Variants in HS2ST1 observed in about 807,000 individuals in gnomAD.
HS2ST1 encodes 2-O-sulfotransferase.
Under a neutral mutation model 42.9 loss-of-function variants are expected in HS2ST1, and 18 were observed. The ratio of observed to expected loss-of-function variants is 0.42; its 90% confidence interval spans 0.29 to 0.62. The LOEUF (loss-of-function observed/expected upper bound fraction) is 0.62. Ranked by LOEUF, HS2ST1 falls within the 20% of genes least tolerant of loss-of-function variation. The pLI, the probability that HS2ST1 is intolerant of heterozygous loss-of-function variation, is 0.21. For missense variants in HS2ST1, 334 were observed against 433.8 expected, an observed-to-expected ratio of 0.77 and a Z score of 2.04; for synonymous variants, 146 against 152.9, an observed-to-expected ratio of 0.95 and a Z score of 0.33.
At position 87,017,253 on chromosome 1, in the gene HS2ST1, C is replaced by CA. The variant is rs1649786698; in HGVS notation, c.125-55679dup. Among the ~76,000 whole-genome samples the CA allele has an allele frequency of 2.0e-5, 3 of 152,280 alleles. No homozygotes were observed. In the South Asian group the frequency reaches 6.2e-4, roughly 32 times the overall value. On this transcript the variant is annotated intron_variant, in intron 1 of 6. Coordinates refer to ENST00000370550, the MANE Select transcript of HS2ST1 (RefSeq NM_012262.4). Reference sequence around the variant, plus strand: ...CCAGGTTCAAGCGATTCTCCTGTCTCAACCTCCCGAGTAGCTGGGACTACA... The same window carrying CA: ...CCAGGTTCAAGCGATTCTCCTGTCTCAAACCTCCCGAGTAGCTGGGACTACA...
intron 1 of HS2ST1, among the ~76,000 whole-genome samples, chr1:86,979,466 G>A (rs902588707): frequency 6.6e-6 from 1 of 152,076 alleles, no homozygotes; most frequent in Non-Finnish European, 1.5e-5. Context: ...TGGATTTTGT[G>A]TTCGTATTGT....
At chr1:87,068,592 A>G (rs926049916) in intron 1 of HS2ST1, among the ~76,000 whole-genome samples, 8 of 152,008 alleles carry the variant, frequency 5.3e-5, no homozygotes, top group Admixed American at 3.3e-4. Flanking sequence ...TTCCAATACT[A>G]TGTTGAATAG....
At chr1:86,967,074 A>G (rs1436446145) in intron 1 of HS2ST1, among the ~76,000 whole-genome samples, 2 of 152,012 alleles carry the variant, frequency 1.3e-5, no homozygotes, top group South Asian at 2.1e-4. Context: ...CATTTTTAGT[A>G]GAGATGGGGT....
At chr1:86,966,045 C>T (rs1048627514) in intron 1 of HS2ST1, among the ~76,000 whole-genome samples, 1 of 152,164 alleles carries the variant, frequency 6.6e-6, no homozygotes, top group Non-Finnish European at 1.5e-5. Flanking sequence ...CAGATACTAG[C>T]GGAAGATTGG....
chr1:87,058,343 T>C (rs1651029426), intron 1 of HS2ST1, among the ~76,000 whole-genome samples: 1 of 151,806 alleles, frequency 6.6e-6, no homozygotes, highest in Non-Finnish European at 1.5e-5. Context: ...TCTGGAGTAA[T>C]GCTACAAAAA....
At chr1:86,955,753 G>C (rs11161911) in intron 1 of HS2ST1, among the ~76,000 whole-genome samples, 2 of 152,212 alleles carry the variant, frequency 1.3e-5, no homozygotes, top group Non-Finnish European at 2.9e-5. Context: ...GGGAGGCCAA[G>C]GTGGGCGGAT....
chr1:86,937,246 C>T (rs1660676792), intron 1 of HS2ST1, among the ~76,000 whole-genome samples: 2 of 152,134 alleles, frequency 1.3e-5, no homozygotes, highest in Non-Finnish European at 2.9e-5. Context: ...AATACTGAGC[C>T]TGCACCTTCC....
chr1:87,083,897 C>T (rs1298832929), intron 2 of HS2ST1, among the ~76,000 whole-genome samples: 3 of 152,070 alleles, frequency 2.0e-5, no homozygotes, highest in Admixed American at 6.6e-5. Flanking sequence ...ACCCCCACAA[C>T]GACCCTCCTC....
In HS2ST1 at chr1:86,985,368, G is replaced by GTATATATATGTATA. The variant is rs71082051; in HGVS notation, c.124+70217_124+70218insGTATATATATATAT. On this transcript the variant is annotated intron_variant, in intron 1 of 6. Coordinates refer to ENST00000370550, the MANE Select transcript of HS2ST1 (RefSeq NM_012262.4). ...ACTTGTATCAAAAAAAAAAAAAAAA[G>GTATATATATGTATA]TATATATATATATATACACACACAC... is the stretch of plus-strand genomic sequence containing the variant. Among the ~76,000 whole-genome samples the GTATATATATGTATA allele has an allele frequency of 2.3e-3, 63 of 26,902 alleles. 10 individuals are homozygous for GTATATATATGTATA. Among genetic ancestry groups the GTATATATATGTATA allele is most frequent in the South Asian group, 0.016 (9 of 548 alleles). The allele number at this position is 26,902 out of a possible 152,430, so 17.6% of individuals were successfully genotyped here.
chr1:86,978,964 C>T lies in HS2ST1; in HGVS notation c.124+63804C>T, dbSNP rs559399414. 1.5e-3 allele frequency among the ~76,000 whole-genome samples: 222 copies of T among 143,364 alleles called. 7 individuals are homozygous for T. The Admixed American group carries it at 0.016, about 10-fold the overall frequency. The allele number at this position is 143,364 out of a possible 152,430, so 94.1% of individuals were successfully genotyped here. A position where few individuals can be genotyped will look rare whatever the true frequency, so the allele number is the denominator to read the frequency against. On this transcript the variant is annotated intron_variant, in intron 1 of 6. Coordinates refer to ENST00000370550, the MANE Select transcript of HS2ST1 (RefSeq NM_012262.4). ...ACTGCAGCCTCTACCAGGACTCAAG[C>T]GATCCTCCCACCTCAGCACCCCAAG...
intron 1 of HS2ST1, among the ~76,000 whole-genome samples, chr1:87,036,884 T>C (rs978958851): frequency 4.6e-5 from 7 of 152,172 alleles, no homozygotes; most frequent in African/African-American, 7.2e-5. Flanking sequence ...TTCTGAGAGA[T>C]TGTCATCAAC....
At chr1:86,917,338 GTGAAACCCTATCT>G (rs1660183906) in intron 1 of HS2ST1, among the ~76,000 whole-genome samples, 1 of 152,166 alleles carries the variant, frequency 6.6e-6, no homozygotes, top group African/African-American at 2.4e-5. Context: ...CGCCAACATG[GTGAAACCCTATCT>G]CTACTAAAAA....
chr1:86,985,425 TATATACACAC>T lies in HS2ST1; in HGVS notation c.124+70271_124+70280del, dbSNP rs1557504773. Among the ~76,000 whole-genome samples, 46 of 52,680 alleles carry T rather than the reference TATATACACAC, an allele frequency of 8.7e-4. 1 individual carries two copies. The highest frequency in any genetic ancestry group is 1.9e-3 in the African/African-American group (44 of 22,566). 34.6% of individuals were successfully genotyped at this position (52,680 alleles called of 152,430 possible). On this transcript the variant is annotated intron_variant, in intron 1 of 6. Coordinates refer to ENST00000370550, the MANE Select transcript of HS2ST1 (RefSeq NM_012262.4). The stretch of plus-strand genomic sequence containing the variant: ...ATATATATACACATATATATACACA[TATATACACAC>T]ATATATACACATATATACACACATA...
intron 1 of HS2ST1, among the ~76,000 whole-genome samples, chr1:87,060,536 G>T (rs754092008): frequency 6.6e-6 from 1 of 152,004 alleles, no homozygotes; most frequent in South Asian, 2.1e-4. Context: ...TTATTTAAAT[G>T]GGGATAATAA....
chr1:86,954,059 AAAAAAAAAAAG>A, intron 1 of HS2ST1, among the ~76,000 whole-genome samples: 1 of 148,720 alleles, frequency 6.7e-6, no homozygotes, highest in African/African-American at 2.5e-5. Flanking sequence ...AAAAAAAAAA[AAAAAAAAAAAG>A]GCCGGGCTTG....
chr1:87,086,579 A>G (rs1651820462), intron 3 of HS2ST1, among the ~76,000 whole-genome samples: 1 of 152,110 alleles, frequency 6.6e-6, no homozygotes, highest in Non-Finnish European at 1.5e-5. Context: ...AGCCCCAAGA[A>G]ACCTAGGAAA....
rs1017692597 is a variant in HS2ST1 at position 86,914,660 on chromosome 1, G to C, written c.-377G>C. ...GCAGCCGCAGCGCCGGTGGAGGGGC[G>C]CGCGGCCGCGAGCAAAGGAGGGAGG... On this transcript the variant is annotated 5_prime_UTR_variant, in exon 1 of 7. Transcript: ENST00000370550. 1.4e-5 allele frequency: 3 copies of C among 220,152 alleles called. No individual in the cohort carries two copies. The highest frequency in any genetic ancestry group is 2.7e-5 in the Non-Finnish European group (3 of 109,894). The allele number at this position is 220,152 out of a possible 1,614,324, so 13.6% of individuals were successfully genotyped here.
chr1:87,075,540 A>G (rs1347535749), intron 2 of HS2ST1, among the ~76,000 whole-genome samples: 3 of 152,202 alleles, frequency 2.0e-5, no homozygotes, highest in Non-Finnish European at 4.4e-5. Context: ...TACAACTTAA[A>G]AGATGAGATC....
chr1:86,982,746 C>T (rs183757566), intron 1 of HS2ST1, among the ~76,000 whole-genome samples: 11 of 152,112 alleles, frequency 7.2e-5, no homozygotes, highest in Non-Finnish European at 1.5e-4. Context: ...AATCTCCTGA[C>T]CTCGTGATCC....
Sources: allele counts gnomAD v4.1 joint callset (sites outside exome capture counted in the v4.1 genomes callset), GRCh38; gene constraint gnomAD v4.1.1; transcripts MANE v1.5; gene names NCBI Gene and HGNC (gene_info 2026-07-23, HGNC 2026-07-21).